Variants in PTPN21 observed in about 807,000 individuals in gnomAD.
The protein encoded by PTPN21 is protein tyrosine phosphatase non-receptor type 21.
In PTPN21, 77 loss-of-function variants were observed where a neutral mutation model predicts 131.8. The ratio of observed to expected loss-of-function variants is 0.58; its 90% CI spans 0.49 to 0.71. PTPN21 has a LOEUF of 0.71. PTPN21 is among the 30% of genes least tolerant of loss of function. The pLI, the probability that PTPN21 is intolerant of heterozygous loss-of-function variation, is 0.00. For synonymous variants in PTPN21, 715 were observed against 621.3 expected (o/e 1.15, Z -2.24); for missense variants, 1,552 against 1,527.1 (o/e 1.02, Z -0.27).
chr14:88,496,743 A>T (rs2077923011), intron 9 of PTPN21, among the ~76,000 whole-genome samples: 1 of 152,246 alleles, frequency 6.6e-6, no homozygotes, highest in Admixed American at 6.5e-5. Flanking sequence ...ATGACTTGGG[A>T]ATCTAAAAAC....
intron 10 of PTPN21, among the ~76,000 whole-genome samples, 160 bp from the exon 11 acceptor site, chr14:88,486,002 G>A (rs1373595466): frequency 1.3e-5 from 2 of 152,026 alleles, no homozygotes; most frequent in Admixed American, 6.6e-5. Flanking sequence ...GTTCTCTGTC[G>A]GCCCGTGGGG....
intron 13 of PTPN21, among the ~76,000 whole-genome samples, chr14:88,478,351 C>T (rs2077578357): frequency 6.6e-6 from 1 of 152,296 alleles, no homozygotes; most frequent in South Asian, 2.1e-4. Flanking sequence ...GAAACCTGGA[C>T]GTCTCAGGAT....
intron 10 of PTPN21, among the ~76,000 whole-genome samples, chr14:88,489,640 A>T (rs2140114338): frequency 6.6e-6 from 1 of 152,106 alleles, no homozygotes; most frequent in South Asian, 2.1e-4. Flanking sequence ...ACAGAGCAAG[A>T]CCCCGTCTCT....
intron 14 of PTPN21, 41 bp downstream of exon 14, chr14:88,473,624 G>T: frequency 1.3e-6 from 2 of 1,582,320 alleles, no homozygotes; most frequent in Non-Finnish European, 1.7e-6. Flanking sequence ...TTTACCGGTT[G>T]TTCCAGAGAA....
In PTPN21 at chr14:88,468,008, T is replaced by C. The variant is rs2077391368; in HGVS notation, c.*129A>G. On this transcript the variant is annotated 3_prime_UTR_variant, in exon 19 of 19. Transcript: ENST00000556564. ...TCCTTCAGCGTGCCGCCATTCAGAC[T>C]GCGCCACTTACGTCCCAGTGCCACG... 1 of 1,192,548 alleles carries C rather than the reference T, an allele frequency of 8.4e-7. No individual in the cohort carries two copies. The highest frequency in any genetic ancestry group is 2.4e-5 in the East Asian group (1 of 42,498). The allele number at this position is 1,192,548 out of a possible 1,614,324, so 73.9% of individuals were successfully genotyped here. A position where few individuals can be genotyped will look rare whatever the true frequency, so the allele number is the denominator to read the frequency against.
chr14:88,541,946 CTAGGCCCA>C (rs2078711843), intron 2 of PTPN21, among the ~76,000 whole-genome samples: 1 of 152,190 alleles, frequency 6.6e-6, no homozygotes, highest in African/African-American at 2.4e-5. Flanking sequence ...GGCCCACAGC[CTAGGCCCA>C]TGGATGGACT....
intron 18 of PTPN21, 77 bp downstream of exon 18, chr14:88,468,839 C>T (rs1165019128): frequency 1.9e-6 from 3 of 1,573,816 alleles, no homozygotes; most frequent in Admixed American, 1.7e-5. Context: ...GCAAAAAGAG[C>T]TATTAAGTCA....
chr14:88,525,590 T>C (rs988289290), intron 2 of PTPN21, among the ~76,000 whole-genome samples: 3 of 152,178 alleles, frequency 2.0e-5, no homozygotes, highest in African/African-American at 7.2e-5. Context: ...GGAACCCTTA[T>C]ACATTGCTAG....
chr14:88,479,345 C>G lies in PTPN21; in HGVS notation c.2086G>C (p.Gly696Arg), dbSNP rs150243696. 1.6e-4 allele frequency: 254 copies of G among 1,613,380 alleles called. 2 individuals carry two copies. In the African/African-American group the frequency reaches 3.1e-3, roughly 20 times the overall value. ...GPEEAEGLRY[G>R]HKKSLSDATM... ...GCGTCCGACAGGGACTTCTTATGGC[C>G]GTACCTCAAGCCCTCCGCCTCCTCC... is the stretch of plus-strand genomic sequence containing the variant. Residue 696 changes from glycine (G) to arginine (R), a missense_variant, in exon 13 of 19, where the codon GGC (glycine) becomes CGC (arginine). By Grantham distance (125) the Gly-to-Arg change is moderately radical. Around this residue, in one of 4 missense-constraint regions of PTPN21, gnomAD observed 1,016 missense variants for 883.5 expected, o/e 1.15. Transcript: ENST00000556564.
rs775361385 is a variant in PTPN21 at position 88,517,269 on chromosome 14, G to A, written c.181-8C>T. On this transcript the variant is annotated splice_region_variant and splice_polypyrimidine_tract_variant and intron_variant, in intron 2 of 18. Coordinates refer to ENST00000556564, the MANE Select transcript of PTPN21 (RefSeq NM_007039.4). Reference sequence around the variant, plus strand: ...GAGGCTGAAGTAAGTGACCTGGAAAGACAGAAGGTCATTGAAGGAGGCAAT... The same window carrying A: ...GAGGCTGAAGTAAGTGACCTGGAAAAACAGAAGGTCATTGAAGGAGGCAAT... 1.2e-6 allele frequency: 2 copies of A among 1,613,232 alleles called. No homozygotes were observed. The highest frequency in any genetic ancestry group is 1.7e-5 in the Admixed American group (1 of 60,000).
chr14:88,548,771 G>A (rs1397036898), intron 2 of PTPN21, among the ~76,000 whole-genome samples: 1 of 152,066 alleles, frequency 6.6e-6, no homozygotes, highest in African/African-American at 2.4e-5. Flanking sequence ...AGGGTCCTAG[G>A]TTTAATTAGA....
At chr14:88,513,104 T>G (rs1410573886) in intron 3 of PTPN21, among the ~76,000 whole-genome samples, 2 of 152,174 alleles carry the variant, frequency 1.3e-5, no homozygotes, top group Non-Finnish European at 2.9e-5. Flanking sequence ...TTTTAAAGTA[T>G]TATGAATTCA....
chr14:88,510,268 T>C (rs2078157875), intron 3 of PTPN21, among the ~76,000 whole-genome samples: 1 of 152,256 alleles, frequency 6.6e-6, no homozygotes, highest in Non-Finnish European at 1.5e-5. Flanking sequence ...TATGCTTCTT[T>C]GTGTTACATA....
In PTPN21 at chr14:88,554,984, A is replaced by C. The variant is rs1338577492; in HGVS notation, c.-536T>G. ...CCGACGCGGGACGCGCGGCCGGAGC[A>C]GCGGGGCGGCCGGGCCCAGGCGTCC... On this transcript the variant is annotated 5_prime_UTR_variant, in exon 1 of 19. Transcript: ENST00000556564. Among the ~76,000 whole-genome samples the C allele has an allele frequency of 2.3e-5, 2 of 88,602 alleles. No individual in the cohort carries two copies. The highest frequency in any genetic ancestry group is 5.4e-5 in the Non-Finnish European group (2 of 37,060). The allele number at this position is 88,602 out of a possible 152,430, so 58.1% of individuals were successfully genotyped here. A position where few individuals can be genotyped will look rare whatever the true frequency, so the allele number is the denominator to read the frequency against.
intron 13 of PTPN21, 46 bp downstream of exon 13, chr14:88,478,874 C>G: frequency 7.6e-7 from 1 of 1,321,316 alleles, no homozygotes; most frequent in Non-Finnish European, 9.9e-7. Context: ...AGCGCCAGGG[C>G]GAACGCGCGG....
intron 2 of PTPN21, among the ~76,000 whole-genome samples, chr14:88,544,162 T>C (rs558069929): frequency 1.3e-5 from 2 of 152,038 alleles, no homozygotes; most frequent in Admixed American, 1.3e-4. Flanking sequence ...TTGGCCAACA[T>C]AGTGAAACCC....
chr14:88,547,608 G>A (rs1272630650), intron 2 of PTPN21: 3 of 453,148 alleles, frequency 6.6e-6, no homozygotes, highest in South Asian at 1.6e-5. Context: ...AGCTATGACG[G>A]TGCCACTGTA....
chr14:88,501,178 C>A, intron 7 of PTPN21, 103 bp downstream of exon 7: 1 of 1,052,740 alleles, frequency 9.5e-7, no homozygotes, highest in South Asian at 1.4e-5. Flanking sequence ...GAGTTTTGCA[C>A]GTCCTCAGCC....
At chr14:88,546,509 G>A (rs1160451534) in intron 2 of PTPN21, among the ~76,000 whole-genome samples, 3 of 149,718 alleles carry the variant, frequency 2.0e-5, no homozygotes, top group African/African-American at 7.4e-5. Flanking sequence ...CCGGGAGGCA[G>A]AGGTTGCAGT....
Sources: allele counts gnomAD v4.1 joint callset (sites outside exome capture counted in the v4.1 genomes callset), GRCh38; gene constraint gnomAD v4.1.1; regional missense constraint gnomAD v4.1.1; transcripts MANE v1.5; gene names NCBI Gene and HGNC (gene_info 2026-07-23, HGNC 2026-07-21).